SPMAP2L: variants seen among roughly 807,000 people sequenced by gnomAD.
The protein encoded by SPMAP2L is sperm microtubule associated protein 2-like.
the SPMAP2L span, among the ~76,000 whole-genome samples, chr4:56,561,575 A>G: frequency 6.6e-6 from 1 of 152,154 alleles, no homozygotes; most frequent in African/African-American, 2.4e-5. Flanking sequence ...TCATGGGCAC[A>G]TTCCTGTTAA....
chr4:56,579,858 T>C, the SPMAP2L span, among the ~76,000 whole-genome samples: 2 of 152,296 alleles, frequency 1.3e-5, no homozygotes, highest in South Asian at 4.2e-4. Context: ...CAAATTATTA[T>C]AAAGACAAAC....
chr4:56,595,110 C>T, the SPMAP2L span: 1 of 1,611,458 alleles, frequency 6.2e-7, no homozygotes, highest in South Asian at 1.1e-5. Flanking sequence ...GGGCTTATAT[C>T]AAGATGATGG....
chr4:56,590,200 G>A, the SPMAP2L span, among the ~76,000 whole-genome samples: 5 of 152,154 alleles, frequency 3.3e-5, no homozygotes, highest in Non-Finnish European at 5.9e-5. Context: ...TTTGCTGAGA[G>A]TTTGCTGGAT....
At chr4:56,559,303 CAAAAA>C in the SPMAP2L span, 1,623 of 659,922 alleles carry the variant, frequency 2.5e-3, no homozygotes, top group South Asian at 5.4e-3. Flanking sequence ...AAGACTGTCT[CAAAAA>C]AAAAAAAAAA....
At chr4:56,559,396 C>T in the SPMAP2L span, 2 of 1,476,938 alleles carry the variant, frequency 1.4e-6, no homozygotes, top group Non-Finnish European at 1.8e-6. Context: ...TAACAGAAAA[C>T]TGTTTTGGGG....
At chr4:56,549,460 C>T in the SPMAP2L span, among the ~76,000 whole-genome samples, 1 of 151,728 alleles carries the variant, frequency 6.6e-6, no homozygotes, top group Non-Finnish European at 1.5e-5. Context: ...AATTCAAGTA[C>T]GGTAGCTAAT....
the SPMAP2L span, among the ~76,000 whole-genome samples, chr4:56,615,896 T>C: frequency 6.6e-6 from 1 of 152,176 alleles, no homozygotes; most frequent in Non-Finnish European, 1.5e-5. Context: ...GTGACCCTAA[T>C]GTGCCGCCAA....
At chr4:56,609,463 G>A in the SPMAP2L span, among the ~76,000 whole-genome samples, 1 of 152,122 alleles carries the variant, frequency 6.6e-6, no homozygotes, top group Non-Finnish European at 1.5e-5. Flanking sequence ...TGAGACTTTG[G>A]ACTTAAACTT....
chr4:56,543,983 A>T, the SPMAP2L span, among the ~76,000 whole-genome samples: 5 of 136,646 alleles, frequency 3.7e-5, no homozygotes, highest in African/African-American at 1.1e-4. Flanking sequence ...TGAGAGAGAG[A>T]GAGAGAGAGA....
At chr4:56,546,180 G>A in the SPMAP2L span, among the ~76,000 whole-genome samples, 1 of 151,530 alleles carries the variant, frequency 6.6e-6, no homozygotes, top group Admixed American at 6.6e-5. Flanking sequence ...ATAGTGCTGT[G>A]TTTTGGACAC....
the SPMAP2L span, among the ~76,000 whole-genome samples, chr4:56,621,890 T>A: frequency 6.6e-6 from 1 of 152,218 alleles, no homozygotes; most frequent in Non-Finnish European, 1.5e-5. Flanking sequence ...GTGAAATTAC[T>A]CTGTGTGATA....
the SPMAP2L span, among the ~76,000 whole-genome samples, chr4:56,567,442 G>GTTTTTTTTTTTT: frequency 2.5e-3 from 161 of 65,572 alleles, 16 homozygotes; most frequent in East Asian, 3.8e-3. Flanking sequence ...AATTTTGGTG[G>GTTTTTTTTTTTT]TTTTTTTTTT....
chr4:56,549,255 G>A, the SPMAP2L span, among the ~76,000 whole-genome samples: 4 of 152,046 alleles, frequency 2.6e-5, no homozygotes, highest in Non-Finnish European at 5.9e-5. Context: ...CCAAAGTGCT[G>A]GGATTACAGG....
At chr4:56,586,995 T>C in the SPMAP2L span, among the ~76,000 whole-genome samples, 25 of 152,300 alleles carry the variant, frequency 1.6e-4, no homozygotes, top group Non-Finnish European at 2.9e-4. Flanking sequence ...TTTAGAGGTA[T>C]GCTATAAATA....
the SPMAP2L span, among the ~76,000 whole-genome samples, chr4:56,562,249 A>C: frequency 1.3e-5 from 2 of 151,854 alleles, no homozygotes; most frequent in Admixed American, 1.3e-4. Flanking sequence ...AAAAAGCTGA[A>C]TTTTCCCTTT....
At chr4:56,624,057 C>T in the SPMAP2L span, among the ~76,000 whole-genome samples, 2 of 152,064 alleles carry the variant, frequency 1.3e-5, no homozygotes, top group Non-Finnish European at 2.9e-5. Flanking sequence ...GACAAAAAAT[C>T]GATAATGATA....
the SPMAP2L span, among the ~76,000 whole-genome samples, chr4:56,601,609 A>C: frequency 6.6e-6 from 1 of 152,060 alleles, no homozygotes; most frequent in South Asian, 2.1e-4. Context: ...AAAAATACCA[A>C]AAATTAGCCA....
At chr4:56,625,528 G>T in the SPMAP2L span, among the ~76,000 whole-genome samples, 1 of 152,146 alleles carries the variant, frequency 6.6e-6, no homozygotes, top group Non-Finnish European at 1.5e-5. Context: ...GTTATGGGAG[G>T]ATCCAGGGGG....
the SPMAP2L span, among the ~76,000 whole-genome samples, chr4:56,621,601 A>G: frequency 7.2e-5 from 11 of 152,238 alleles, no homozygotes; most frequent in African/African-American, 2.7e-4. Context: ...GAATAGATCT[A>G]TGAAGTGATG....
Sources: allele counts gnomAD v4.1 joint callset (sites outside exome capture counted in the v4.1 genomes callset), GRCh38; gene constraint gnomAD v4.1.1; transcripts MANE v1.5; gene names NCBI Gene and HGNC (gene_info 2026-07-23, HGNC 2026-07-21).